The following MLLT10 variants were observed in gnomAD, a reference collection of about 807,000 sequenced individuals.
MLLT10 encodes the protein MLLT10 histone lysine methyltransferase DOT1L cofactor.
MLLT10 carries 30 observed loss-of-function variants against 129.1 expected under a neutral mutation model. The ratio of observed to expected loss-of-function variants is 0.23; its 90% confidence interval spans 0.17 to 0.32. The LOEUF (loss-of-function observed/expected upper bound fraction) is 0.32, where lower values mean the gene tolerates loss of function less well. Among genes scored for constraint, MLLT10 ranks in the 10% least tolerant of loss-of-function variants. MLLT10 has a pLI of 1.00. For missense variants in MLLT10, 1,119 were observed against 1,268.3 expected (o/e 0.88, Z 1.79); for synonymous variants, 490 against 446.4 (o/e 1.10, Z -1.23).
intron 3 of MLLT10, chr10:21,564,576 A>G (rs1318703620): frequency 6.6e-6 from 1 of 151,994 alleles, no homozygotes; most frequent in Non-Finnish European, 1.5e-5. Flanking sequence ...TGAGACAAGC[A>G]CTAGTACCTT....
intron 8 of MLLT10, among the ~76,000 whole-genome samples, chr10:21,631,033 G>A (rs373444717): frequency 5.3e-5 from 8 of 152,046 alleles, no homozygotes; most frequent in Admixed American, 2.6e-4. Context: ...AAAGTACGTC[G>A]GGCGCGGTGG....
At chr10:21,593,117 G>C (rs562268144) in intron 4 of MLLT10, among the ~76,000 whole-genome samples, 3 of 128,832 alleles carry the variant, frequency 2.3e-5, no homozygotes, top group Non-Finnish European at 4.9e-5. Flanking sequence ...TTTTTGTCTT[G>C]AGATAGGGTC....
chr10:21,743,013 C>T lies in MLLT10; in HGVS notation c.*1030C>T, dbSNP rs754992229. ...ATAGAGATTTGTTTTATTTAAACCA[C>T]TTCCCATTACTGACCATTAAAAGCT... On this transcript the variant is annotated 3_prime_UTR_variant, in exon 23 of 23. Transcript: ENST00000307729. 8.7e-6 allele frequency: 2 copies of T among 230,090 alleles called. No individual in the cohort carries two copies. Among genetic ancestry groups the T allele is most frequent in the Non-Finnish European group, 1.7e-5 (2 of 116,180 alleles). The allele number at this position is 230,090 out of a possible 1,614,324, so 14.3% of individuals were successfully genotyped here.
chr10:21,741,884 G>GA, intron 22 of MLLT10, 55 bp from the exon 23 acceptor site: 1 of 1,561,908 alleles, frequency 6.4e-7, no homozygotes. Flanking sequence ...CAAATTCGGA[G>GA]AATATTATCA....
In MLLT10 at chr10:21,733,391, T is replaced by G; in HGVS notation, c.2408-113T>G. ...GTCTTAGGAATAGCAAGACTAGATA[T>G]TTAAGTGGTTTTGATACGGGCTTCA... On this transcript the variant is annotated intron_variant, in intron 18 of 22. Transcript: ENST00000307729. 6.1e-6 allele frequency: 4 copies of G among 655,386 alleles called. 1 individual carries two copies. Among genetic ancestry groups the G allele is most frequent in the Non-Finnish European group, 9.5e-6 (4 of 420,456 alleles). The allele number at this position is 655,386 out of a possible 1,614,324, so 40.6% of individuals were successfully genotyped here.
chr10:21,635,473 C>A (rs929405737), intron 8 of MLLT10, among the ~76,000 whole-genome samples: 1 of 151,894 alleles, frequency 6.6e-6, no homozygotes, highest in Non-Finnish European at 1.5e-5. Context: ...TGGGTTCAAG[C>A]AATTCTCTTA....
intron 8 of MLLT10, among the ~76,000 whole-genome samples, chr10:21,620,308 C>T (rs747901363): frequency 4.6e-5 from 7 of 152,016 alleles, no homozygotes; most frequent in East Asian, 1.9e-4. Flanking sequence ...TGAAAGGTAA[C>T]GCTCATAATC....
intron 14 of MLLT10, among the ~76,000 whole-genome samples, chr10:21,722,306 G>A (rs1427510225): frequency 2.0e-5 from 3 of 152,282 alleles, no homozygotes; most frequent in African/African-American, 7.2e-5. Context: ...GGTTAAGATT[G>A]AAATGTCATA....
chr10:21,590,029 A>T (rs1268686546), intron 4 of MLLT10, among the ~76,000 whole-genome samples: 2 of 151,946 alleles, frequency 1.3e-5, no homozygotes, highest in African/African-American at 4.8e-5. Flanking sequence ...AAACTCCTGG[A>T]TTCAAGTGAT....
At chr10:21,551,755 T>G (rs960727384) in intron 3 of MLLT10, 19 of 151,820 alleles carry the variant, frequency 1.3e-4, no homozygotes, top group Non-Finnish European at 8.6e-5. Context: ...GTGTTTAGAC[T>G]TTTTTTTTTT....
intron 8 of MLLT10, among the ~76,000 whole-genome samples, chr10:21,620,720 T>A (rs1172090959): frequency 3.3e-5 from 5 of 152,142 alleles, no homozygotes; most frequent in Admixed American, 2.0e-4. Flanking sequence ...GGCGGAGTCT[T>A]GCTGTTGTCG....
chr10:21,672,205 G>GTGTGTGTGTGTGTGTGTGTA (rs1564621003), intron 10 of MLLT10, among the ~76,000 whole-genome samples: 1 of 151,000 alleles, frequency 6.6e-6, no homozygotes, highest in African/African-American at 2.4e-5. Flanking sequence ...GTGTGTGTGT[G>GTGTGTGTGTGTGTGTGTGTA]TGTGTATTTT....
intron 8 of MLLT10, among the ~76,000 whole-genome samples, chr10:21,633,815 A>T (rs1422446053): frequency 6.6e-6 from 1 of 152,218 alleles, no homozygotes; most frequent in Non-Finnish European, 1.5e-5. Flanking sequence ...TAGCTTAGGA[A>T]ATTTAACATT....
chr10:21,663,898 G>GAT (rs781248284), intron 9 of MLLT10, among the ~76,000 whole-genome samples: 1 of 152,194 alleles, frequency 6.6e-6, no homozygotes, highest in Non-Finnish European at 1.5e-5. Flanking sequence ...TCAATTCACT[G>GAT]ATATAAGAGT....
chr10:21,732,815 T>C (rs2058071122), intron 17 of MLLT10, 84 bp from the exon 18 acceptor site: 1 of 1,089,172 alleles, frequency 9.2e-7, no homozygotes. Flanking sequence ...TTTTAACTTA[T>C]TTCTAAGGTT....
intron 8 of MLLT10, among the ~76,000 whole-genome samples, chr10:21,636,707 TG>T (rs1178270975): frequency 1.3e-5 from 2 of 152,106 alleles, no homozygotes; most frequent in Non-Finnish European, 2.9e-5. Flanking sequence ...CCCAAGTAGC[TG>T]AGACTACAGG....
At chr10:21,646,267 G>A (rs2131307456) in intron 8 of MLLT10, among the ~76,000 whole-genome samples, 1 of 152,170 alleles carries the variant, frequency 6.6e-6, no homozygotes, top group African/African-American at 2.4e-5. Flanking sequence ...TTCTTTACGG[G>A]GAAAGCAGTT....
At chr10:21,657,121 G>A (rs759720128) in intron 9 of MLLT10, among the ~76,000 whole-genome samples, 1 of 152,130 alleles carries the variant, frequency 6.6e-6, no homozygotes, top group Non-Finnish European at 1.5e-5. Context: ...GCCAGGTGGG[G>A]TAGCTCACAC....
intron 4 of MLLT10, among the ~76,000 whole-genome samples, chr10:21,590,685 A>C (rs2042411890): frequency 6.6e-6 from 1 of 152,142 alleles, no homozygotes; most frequent in South Asian, 2.1e-4. Flanking sequence ...TAGCAATGGT[A>C]GTAATTACCC....
Sources: allele counts gnomAD v4.1 joint callset (sites outside exome capture counted in the v4.1 genomes callset), GRCh38; gene constraint gnomAD v4.1.1; transcripts MANE v1.5; gene names NCBI Gene and HGNC (gene_info 2026-07-23, HGNC 2026-07-21).